Variants in TMPRSS15 observed in about 807,000 individuals in gnomAD.
The protein encoded by TMPRSS15 is enteropeptidase.
In TMPRSS15, 128 loss-of-function variants were observed where a neutral mutation model predicts 125.3. That is an observed-to-expected ratio of 1.02 (90% CI 0.89 to 1.18). TMPRSS15 has a LOEUF of 1.18. Among genes scored for constraint, TMPRSS15 ranks in the 50% most tolerant of loss-of-function variants. The pLI is 0.00. For missense variants in TMPRSS15, 1,283 were observed against 1,212.7 expected, an observed-to-expected ratio of 1.06 and a Z score of -0.86; for synonymous variants, 446 against 423.2, an observed-to-expected ratio of 1.05 and a Z score of -0.66.
At chr21:18,296,726 C>T (rs569262132) in intron 19 of TMPRSS15, among the ~76,000 whole-genome samples, 3 of 152,264 alleles carry the variant, frequency 2.0e-5, no homozygotes, top group Admixed American at 1.3e-4. Context: ...AATTTAGACA[C>T]GCCTTACAGG....
rs985545844 is a variant in TMPRSS15 at position 18,280,962 on chromosome 21, G to A, written c.2668+78C>T. ...TCTAGCTTTTATGAATTAATGCATT[G>A]ACATTGATAATATTTGAAATCTAGT... On this transcript the variant is annotated intron_variant, in intron 22 of 24. Coordinates refer to ENST00000284885, the MANE Select transcript of TMPRSS15 (RefSeq NM_002772.3). The A allele has an allele frequency of 5.3e-5, 75 of 1,425,578 alleles. 1 individual carries two copies. In the Middle Eastern group the frequency reaches 9.2e-4, roughly 17 times the overall value. 88.3% of individuals were successfully genotyped at this position (1,425,578 alleles called of 1,614,324 possible).
chr21:18,411,348 T>C (rs760343388), intron 1 of TMPRSS15, among the ~76,000 whole-genome samples: 1 of 152,190 alleles, frequency 6.6e-6, no homozygotes, highest in Non-Finnish European at 1.5e-5. Flanking sequence ...ACTTTTTTTT[T>C]TTTGAGCTTC....
intron 1 of TMPRSS15, among the ~76,000 whole-genome samples, chr21:18,427,361 C>T (rs559049131): frequency 7.1e-5 from 3 of 42,100 alleles, no homozygotes; most frequent in African/African-American, 1.3e-4. Context: ...TTCCATTCTC[C>T]TTGCCTTACT....
rs796799787 is a variant in TMPRSS15 at position 18,396,792 on chromosome 21, ATCTG to A, written c.344+1083_344+1086del. On this transcript the variant is annotated intron_variant, in intron 3 of 24. Transcript: ENST00000284885. ...CTGTCTCAAAAAAAAAAAAAAAAAA[ATCTG>A]TCTGTCTGTCTGTCTATCTATCTAT... Among the ~76,000 whole-genome samples, 1,123 of 112,748 alleles carry A rather than the reference ATCTG, an allele frequency of 1.0e-2. 20 individuals are homozygous for A. The highest frequency in any genetic ancestry group is 0.017 in the Middle Eastern group (4 of 232). The allele number at this position is 112,748 out of a possible 152,430, so 74.0% of individuals were successfully genotyped here.
intron 1 of TMPRSS15, among the ~76,000 whole-genome samples, chr21:18,485,455 A>G (rs999554525): frequency 3.9e-5 from 6 of 151,998 alleles, no homozygotes; most frequent in African/African-American, 1.4e-4. Flanking sequence ...GGCCTTTTGT[A>G]GATAGCTTTT....
chr21:18,313,075 G>T lies in TMPRSS15; in HGVS notation c.2035C>A (p.Arg679Ser). 1.1e-5 allele frequency: 18 copies of T among 1,611,612 alleles called. No homozygotes were observed. Among genetic ancestry groups the T allele is most frequent in the Non-Finnish European group, 1.5e-5 (18 of 1,177,920 alleles). The change falls in exon 18 of 25, where the codon CGT becomes AGT. Residue 679 changes from arginine (R) to serine (S), a missense_variant and splice_region_variant. By Grantham distance (110) the Arg-to-Ser change is moderately radical. Transcript: ENST00000284885. ...EDGSDEADCV[R>S]FFNGTTNNNG... ...TTGTTCGTTGTGCCATTGAAAAAACGCACTAAAGACACAGAGAGCATAATG... is the reference window on the plus strand; with the variant it reads ...TTGTTCGTTGTGCCATTGAAAAAACTCACTAAAGACACAGAGAGCATAATG...
At position 18,386,049 on chromosome 21, in the gene TMPRSS15, C is replaced by T. The variant is rs544895025; in HGVS notation, c.345-2271G>A. On this transcript the variant is annotated intron_variant, in intron 3 of 24. Coordinates refer to ENST00000284885, the MANE Select transcript of TMPRSS15 (RefSeq NM_002772.3). ...TGAGCCACCATGCCTGGCCAATAAA[C>T]ACTTATTTTTAAGGCACTTTTAGTC... is the stretch of plus-strand genomic sequence containing the variant. Among the ~76,000 whole-genome samples, 85 of 152,150 alleles carry T rather than the reference C, an allele frequency of 5.6e-4. 1 individual carries two copies. The highest frequency in any genetic ancestry group is 1.4e-3 in the East Asian group (7 of 5,162).
At chr21:18,282,610 C>T (rs145363469) in intron 21 of TMPRSS15, among the ~76,000 whole-genome samples, 14 of 152,278 alleles carry the variant, frequency 9.2e-5, no homozygotes, top group Non-Finnish European at 1.8e-4. Context: ...AGTAAAGCAT[C>T]CACTGACAAC....
chr21:18,353,605 T>A, intron 9 of TMPRSS15, 118 bp downstream of exon 9: 1 of 861,146 alleles, frequency 1.2e-6, no homozygotes, highest in Non-Finnish European at 1.8e-6. Flanking sequence ...AAGATGCACA[T>A]ACAAGATACT....
chr21:18,398,304 T>A lies in TMPRSS15; in HGVS notation c.171A>T (p.Glu57Asp). The A allele has an allele frequency of 6.2e-7, 1 of 1,613,824 alleles. No individual in the cohort carries two copies. The highest frequency in any genetic ancestry group is 8.5e-7 in the Non-Finnish European group (1 of 1,179,790). Residue 57 changes from glutamate (E) to aspartate (D), a missense_variant, in exon 2 of 25, where the codon GAA becomes GAT. Transcript: ENST00000284885. Reference sequence around the variant, plus strand: ...ATGTTATTTTAAATGTCGCTCTGGCTTCATGACTCTGTCCAAGTGCTGCAC... The same window carrying A: ...ATGTTATTTTAAATGTCGCTCTGGCATCATGACTCTGTCCAAGTGCTGCAC... The part of the protein sequence containing the change: ...QRGAALGQSH[E>D]ARATFKITSG...
chr21:18,477,519 T>A (rs1978902806), intron 1 of TMPRSS15: 1 of 152,110 alleles, frequency 6.6e-6, no homozygotes, highest in Non-Finnish European at 1.5e-5. Flanking sequence ...CATGGAAATT[T>A]AACTGAAACT....
chr21:18,374,597 G>A (rs1385422494), intron 5 of TMPRSS15, among the ~76,000 whole-genome samples: 4 of 151,620 alleles, frequency 2.6e-5, no homozygotes, highest in African/African-American at 9.7e-5. Flanking sequence ...TTTGGTACCA[G>A]ATTCTAGGAA....
At chr21:18,407,336 A>G (rs2076154440), upstream of TMPRSS15, among the ~76,000 whole-genome samples, 1 of 152,116 alleles carries the variant, frequency 6.6e-6, no homozygotes, top group Non-Finnish European at 1.5e-5. Context: ...GTTAAAGGGG[A>G]GACATAAGAT....
At chr21:18,348,390 G>C (rs1052033755) in intron 10 of TMPRSS15, among the ~76,000 whole-genome samples, 1 of 152,142 alleles carries the variant, frequency 6.6e-6, no homozygotes, top group Admixed American at 6.6e-5. Flanking sequence ...CTGATATAGA[G>C]ATAGCAGAAA....
chr21:18,428,716 C>G (rs2076209589), intron 1 of TMPRSS15, among the ~76,000 whole-genome samples: 1 of 152,124 alleles, frequency 6.6e-6, no homozygotes. Context: ...GCCTAGATTT[C>G]AGAATATGTA....
chr21:18,454,003 A>C lies in TMPRSS15; in HGVS notation c.10+31796T>G, dbSNP rs532038031. Among the ~76,000 whole-genome samples, 3 of 152,318 alleles carry C rather than the reference A, an allele frequency of 2.0e-5. No individual in the cohort carries two copies. In the South Asian group the frequency reaches 6.2e-4, roughly 32 times the overall value. ...GCCAGGGGCTAAGGGTAACAAGCAAATTCATAGTTATTTTTACTTTGATTT... is the reference window on the plus strand; with the variant it reads ...GCCAGGGGCTAAGGGTAACAAGCAACTTCATAGTTATTTTTACTTTGATTT... On this transcript the variant is annotated intron_variant, in intron 1 of 7. Transcript: ENST00000422787.
At chr21:18,285,389 A>G (rs528706769) in intron 21 of TMPRSS15, among the ~76,000 whole-genome samples, 1 of 152,206 alleles carries the variant, frequency 6.6e-6, no homozygotes, top group Non-Finnish European at 1.5e-5. Flanking sequence ...GGCTGAAGGG[A>G]AAATAAAATC....
chr21:18,474,613 G>A (rs1467981637), intron 1 of TMPRSS15, among the ~76,000 whole-genome samples: 1 of 152,058 alleles, frequency 6.6e-6, no homozygotes, highest in Non-Finnish European at 1.5e-5. Context: ...GTTTATATAT[G>A]AATAAAGTGC....
At position 18,464,510 on chromosome 21, in the gene TMPRSS15, T is replaced by G. The variant is rs2122954639; in HGVS notation, c.10+21289A>C. 2.0e-5 allele frequency among the ~76,000 whole-genome samples: 3 copies of G among 152,092 alleles called. No individual in the cohort carries two copies. The East Asian group carries it at 5.8e-4, about 29-fold the overall frequency. ...GAAAAGTTTAACAAAATAGATAGAC[T>G]GCTAGTCAGATTAATAAAGAAGAGA... On this transcript the variant is annotated intron_variant, in intron 1 of 7. Coordinates refer to the TMPRSS15 transcript ENST00000422787.
Sources: gnomAD v4.1 joint callset for allele counts (sites outside exome capture counted in the v4.1 genomes callset) on GRCh38, gnomAD v4.1.1 for gene constraint, MANE v1.5 for transcripts, NCBI Gene and HGNC (gene_info 2026-07-23, HGNC 2026-07-21) for gene names.